The following PCGF3 variants were observed in gnomAD, a reference collection of about 807,000 sequenced individuals.
PCGF3 encodes the protein polycomb group RING finger protein 3.
PCGF3 carries 7 observed loss-of-function variants against 33.1 expected under a neutral mutation model. The ratio of observed to expected loss-of-function variants is 0.21; its 90% CI spans 0.12 to 0.40. PCGF3 has a LOEUF of 0.40. Ranked by LOEUF, PCGF3 falls within the 10% of genes least tolerant of loss-of-function variation. The probability of loss-of-function intolerance (pLI) is 1.00; values close to 1 mark genes in which losing one functional copy is unlikely to be tolerated. For missense variants in PCGF3, 211 were observed against 313.3 expected (o/e 0.67, Z 2.46); for synonymous variants, 153 against 121.3 (o/e 1.26, Z -1.72).
chr4:718,450 G>A (rs1437095697), intron 1 of PCGF3, among the ~76,000 whole-genome samples: 1 of 152,204 alleles, frequency 6.6e-6, no homozygotes, highest in Non-Finnish European at 1.5e-5. Context: ...TGTACCTTAG[G>A]TCTTTGTATG....
intron 1 of PCGF3, among the ~76,000 whole-genome samples, chr4:712,484 G>A (rs1742614562): frequency 6.6e-6 from 1 of 152,166 alleles, no homozygotes; most frequent in East Asian, 1.9e-4. Flanking sequence ...TTTTGCTCTT[G>A]TAGCCCAGGC....
chr4:766,026 T>G lies in PCGF3; in HGVS notation c.682-6T>G. ...AGCAGGCACTGTGCGTTCTTGTGTCTTCCAGAAGGCGCCGCTCCTGCTGCA... is the reference window on the plus strand; with the variant it reads ...AGCAGGCACTGTGCGTTCTTGTGTCGTCCAGAAGGCGCCGCTCCTGCTGCA... On this transcript the variant is annotated splice_region_variant and splice_polypyrimidine_tract_variant and intron_variant, in intron 10 of 10. Transcript: ENST00000362003. 1 of 1,613,972 alleles carries G rather than the reference T, an allele frequency of 6.2e-7. No individual in the cohort carries two copies.
At chr4:763,256 C>T (rs953398990) in intron 9 of PCGF3, among the ~76,000 whole-genome samples, 2 of 152,098 alleles carry the variant, frequency 1.3e-5, no homozygotes. Context: ...CAGAGCAGGC[C>T]GAGGAAGTCC....
chr4:714,696 A>G (rs2109523757), intron 1 of PCGF3, among the ~76,000 whole-genome samples: 1 of 152,100 alleles, frequency 6.6e-6, no homozygotes, highest in African/African-American at 2.4e-5. Flanking sequence ...TTCCCACCCC[A>G]CTGCCTTCTG....
chr4:751,720 T>C (rs1269071615), intron 8 of PCGF3, among the ~76,000 whole-genome samples: 1 of 152,026 alleles, frequency 6.6e-6, no homozygotes, highest in Non-Finnish European at 1.5e-5. Flanking sequence ...GGCATGAAGC[T>C]GTGGATGCTG....
chr4:770,078 AG>A (rs1339599593), exon 11 of PCGF3: 1 of 152,652 alleles, frequency 6.6e-6, no homozygotes, highest in Non-Finnish European at 1.5e-5. Context: ...TAAAAGCAAA[AG>A]AAAAGCTTAA....
rs558998171 is a variant in PCGF3, at chr4:742,367, A to G, written c.263-1107A>G. ...GCTGTGTAGGTTGGGGTATGCCCAG[A>G]GCGTTTCCCTGGCCTGGCCGAGCTC... On this transcript the variant is annotated intron_variant, in intron 6 of 10. Coordinates refer to ENST00000362003, the Ensembl canonical transcript of PCGF3. Among the ~76,000 whole-genome samples the G allele has an allele frequency of 2.0e-4, 30 of 152,280 alleles. 1 individual carries two copies. The East Asian group carries it at 3.9e-3, about 20-fold the overall frequency.
Position 734,288 on chromosome 4 carries a change from C to T in PCGF3, c.109+499C>T, listed in dbSNP as rs559932884. ...AGGTGCCATCCATCAGGCTGAGGCT[C>T]GGCTCTTATGCTAACCTGAGGCCCC... On this transcript the variant is annotated intron_variant, in intron 4 of 10. Transcript: ENST00000362003. The T allele has an allele frequency of 1.4e-5, 21 of 1,460,652 alleles. No individual in the cohort carries two copies. The East Asian group carries it at 2.2e-4, about 16-fold the overall frequency. 90.5% of individuals were successfully genotyped at this position (1,460,652 alleles called of 1,614,324 possible). A position where few individuals can be genotyped will look rare whatever the true frequency, so the allele number is the denominator to read the frequency against.
intron 8 of PCGF3, among the ~76,000 whole-genome samples, chr4:753,643 CAAAA>C (rs777114866): frequency 9.1e-6 from 1 of 110,112 alleles, no homozygotes. Flanking sequence ...AGTCCGGTCT[CAAAA>C]AAAAAAAAAA....
At chr4:724,723 G>A (rs946240819) in intron 1 of PCGF3, among the ~76,000 whole-genome samples, 11 of 152,086 alleles carry the variant, frequency 7.2e-5, no homozygotes, top group Non-Finnish European at 1.5e-4. Context: ...GTGTGAACCC[G>A]GGAGGCGGAG....
At chr4:755,515 G>A (rs553441203) in intron 8 of PCGF3, among the ~76,000 whole-genome samples, 12 of 152,206 alleles carry the variant, frequency 7.9e-5, no homozygotes, top group Admixed American at 2.6e-4. Flanking sequence ...GGCTTTCTTC[G>A]ACCTATCATC....
At chr4:753,585 G>C (rs1226724188) in intron 8 of PCGF3, among the ~76,000 whole-genome samples, 1 of 151,446 alleles carries the variant, frequency 6.6e-6, no homozygotes, top group African/African-American at 2.4e-5. Flanking sequence ...AGAGCTTGCA[G>C]TGAGCCGAGA....
rs139223388 is a variant in PCGF3, at chr4:748,590, G to A, written c.462+3902G>A. ...TGTGTCCAACGTGGGATGTGATGGC[G>A]TTGCCTTGTGGGTCAGTAGAGAAGA... On this transcript the variant is annotated intron_variant, in intron 8 of 10. Transcript: ENST00000362003. Among the ~76,000 whole-genome samples the A allele has an allele frequency of 6.5e-3, 986 of 152,300 alleles. 8 individuals are homozygous for A. Among genetic ancestry groups the A allele is most frequent in the Non-Finnish European group, 8.5e-3 (579 of 68,018 alleles).
At chr4:739,208 T>G (rs1403972019) in intron 6 of PCGF3, among the ~76,000 whole-genome samples, 1 of 151,992 alleles carries the variant, frequency 6.6e-6, no homozygotes, top group African/African-American at 2.4e-5. Flanking sequence ...TGTTGTTTAT[T>G]TCTTTATTTA....
intron 1 of PCGF3, among the ~76,000 whole-genome samples, chr4:715,043 C>T (rs1328347072): frequency 1.3e-5 from 2 of 148,672 alleles, no homozygotes; most frequent in East Asian, 4.1e-4. Flanking sequence ...GGCGTCGGTG[C>T]TGGGACCCTG....
chr4:739,660 G>T (rs373403287), intron 6 of PCGF3, among the ~76,000 whole-genome samples: 2 of 152,344 alleles, frequency 1.3e-5, no homozygotes, highest in East Asian at 3.9e-4. Flanking sequence ...ATCAGGGCAG[G>T]TGTCGTCCAT....
At chr4:726,645 C>T (rs1288352469) in intron 1 of PCGF3, among the ~76,000 whole-genome samples, 5 of 152,174 alleles carry the variant, frequency 3.3e-5, no homozygotes, top group South Asian at 2.1e-4. Context: ...CAAAGGTTCA[C>T]GGTCGCCTTT....
intron 1 of PCGF3, among the ~76,000 whole-genome samples, chr4:717,697 C>G (rs1742915629): frequency 6.6e-6 from 1 of 152,228 alleles, no homozygotes; most frequent in Non-Finnish European, 1.5e-5. Flanking sequence ...TACTTTCAAA[C>G]AAGGTAGTCT....
At chr4:765,173 C>A in intron 10 of PCGF3, 109 bp downstream of exon 10, 1 of 736,750 alleles carries the variant, frequency 1.4e-6, no homozygotes, top group Non-Finnish European at 2.4e-6. Flanking sequence ...GTGGCTCATG[C>A]CTGTAATCCC....
Sources: allele counts gnomAD v4.1 joint callset (sites outside exome capture counted in the v4.1 genomes callset), GRCh38; gene constraint gnomAD v4.1.1; transcripts MANE v1.5; gene names NCBI Gene and HGNC (gene_info 2026-07-23, HGNC 2026-07-21).